SH3GL2: variants seen among roughly 807,000 people sequenced by gnomAD.
SH3GL2 encodes the protein SH3 domain containing GRB2 like 2, endophilin A1.
Under a neutral mutation model 46.0 loss-of-function variants are expected in SH3GL2, and 24 were observed. The ratio of observed to expected loss-of-function variants is 0.52; its 90% CI spans 0.38 to 0.73. SH3GL2 has a LOEUF of 0.73. Ranked by LOEUF, SH3GL2 falls within the 30% of genes least tolerant of loss-of-function variation. The probability of loss-of-function intolerance (pLI) is 0.00; values close to 1 mark genes in which losing one functional copy is unlikely to be tolerated. For missense variants in SH3GL2, 413 were observed against 424.2 expected (o/e 0.97, Z 0.23); for synonymous variants, 196 against 147.1 (o/e 1.33, Z -2.40).
intron 1 of SH3GL2, among the ~76,000 whole-genome samples, chr9:17,680,041 T>C (rs944617506): frequency 1.3e-5 from 2 of 152,332 alleles, no homozygotes; most frequent in African/African-American, 2.4e-5. Flanking sequence ...CAGTATTTTA[T>C]TGAGGATTTT....
intron 1 of SH3GL2, among the ~76,000 whole-genome samples, chr9:17,706,728 A>G (rs1269644918): frequency 6.6e-6 from 1 of 151,942 alleles, no homozygotes; most frequent in Non-Finnish European, 1.5e-5. Flanking sequence ...CTTATAGGTG[A>G]GTCCCTTAGA....
chr9:17,644,725 G>A (rs9406685), intron 1 of SH3GL2, among the ~76,000 whole-genome samples: 72,977 of 151,852 alleles, frequency 0.48, 18,689 homozygotes, highest in Non-Finnish European at 0.59. Flanking sequence ...CATTTGCTGA[G>A]GAGTGCTTTA....
chr9:17,744,170 A>G (rs1822614621), intron 1 of SH3GL2, among the ~76,000 whole-genome samples: 1 of 152,022 alleles, frequency 6.6e-6, no homozygotes, highest in Non-Finnish European at 1.5e-5. Flanking sequence ...TAAACCATGT[A>G]CTTGAAAAAT....
intron 7 of SH3GL2, among the ~76,000 whole-genome samples, chr9:17,791,780 C>T (rs34701669): frequency 0.16 from 24,295 of 152,220 alleles, 2,502 homozygotes; most frequent in Middle Eastern, 0.28. Flanking sequence ...AAGTGGAGTT[C>T]ACAGCCAGCC....
At chr9:17,603,893 GAATA>G (rs1458347409) in intron 1 of SH3GL2, among the ~76,000 whole-genome samples, 1 of 152,028 alleles carries the variant, frequency 6.6e-6, no homozygotes, top group Non-Finnish European at 1.5e-5. Context: ...AAGCAACCAT[GAATA>G]AACTTATGCC....
intron 1 of SH3GL2, among the ~76,000 whole-genome samples, chr9:17,597,850 T>G (rs2134557867): frequency 6.6e-6 from 1 of 152,276 alleles, no homozygotes; most frequent in Non-Finnish European, 1.5e-5. Flanking sequence ...GAGGGCCAGT[T>G]TTTCCCCTCT....
At chr9:17,665,311 T>C (rs1820316866) in intron 1 of SH3GL2, among the ~76,000 whole-genome samples, 1 of 152,176 alleles carries the variant, frequency 6.6e-6, no homozygotes, top group Non-Finnish European at 1.5e-5. Context: ...ATTTCTCTCC[T>C]CCACTGGGTC....
At chr9:17,777,832 C>T (rs961424146) in intron 3 of SH3GL2, among the ~76,000 whole-genome samples, 1 of 152,052 alleles carries the variant, frequency 6.6e-6, no homozygotes, top group Non-Finnish European at 1.5e-5. Context: ...ATTGGGGTTT[C>T]AGCATATGAA....
In SH3GL2 at chr9:17,584,840, C is replaced by T. The variant is rs1387421168; in HGVS notation, c.45+5553C>T. Among the ~76,000 whole-genome samples the T allele has an allele frequency of 3.3e-5, 5 of 152,198 alleles. No individual in the cohort carries two copies. The East Asian group carries it at 9.7e-4, about 29-fold the overall frequency. ...ATGATTTCTCTGTAGACTGAGAGTC[C>T]TCGTGATTGAAGTTTGTGTTGTTGA... On this transcript the variant is annotated intron_variant, in intron 1 of 8. Transcript: ENST00000380607.
At chr9:17,702,402 C>T (rs1218402191) in intron 1 of SH3GL2, among the ~76,000 whole-genome samples, 1 of 151,680 alleles carries the variant, frequency 6.6e-6, no homozygotes, top group African/African-American at 2.4e-5. Context: ...AGGAAAGAAT[C>T]AGGATATATG....
At chr9:17,712,490 T>C in intron 1 of SH3GL2, among the ~76,000 whole-genome samples, 1 of 151,894 alleles carries the variant, frequency 6.6e-6, no homozygotes, top group East Asian at 1.9e-4. Flanking sequence ...TGTATATTAC[T>C]GAAGGTGTGG....
At chr9:17,606,331 T>TC (rs1563778655) in intron 1 of SH3GL2, among the ~76,000 whole-genome samples, 1 of 152,092 alleles carries the variant, frequency 6.6e-6, no homozygotes, top group African/African-American at 2.4e-5. Flanking sequence ...GACCTCATGA[T>TC]CCGCCCGCCT....
chr9:17,697,455 C>T (rs1821233569), intron 1 of SH3GL2, among the ~76,000 whole-genome samples: 1 of 152,084 alleles, frequency 6.6e-6, no homozygotes, highest in Admixed American at 6.6e-5. Flanking sequence ...AACTCCTGAC[C>T]TCGTGATCCG....
intron 1 of SH3GL2, among the ~76,000 whole-genome samples, chr9:17,665,361 T>C (rs1417361985): frequency 6.6e-6 from 1 of 152,176 alleles, no homozygotes; most frequent in Non-Finnish European, 1.5e-5. Context: ...TTATTATGTC[T>C]TAAGTTTCTT....
At chr9:17,669,001 G>A (rs1820407866) in intron 1 of SH3GL2, among the ~76,000 whole-genome samples, 1 of 152,136 alleles carries the variant, frequency 6.6e-6, no homozygotes, top group Non-Finnish European at 1.5e-5. Flanking sequence ...GATTTCAGGT[G>A]CCACCTGTAG....
chr9:17,706,095 G>C (rs1306107160), intron 1 of SH3GL2, among the ~76,000 whole-genome samples: 1 of 152,036 alleles, frequency 6.6e-6, no homozygotes, highest in Non-Finnish European at 1.5e-5. Context: ...TATATCTAAT[G>C]TAAGAGATCA....
chr9:17,790,410 CTG>C lies in SH3GL2; in HGVS notation c.625-818_625-817del, dbSNP rs774181507. On this transcript the variant is annotated intron_variant, in intron 6 of 8. Transcript: ENST00000380607. Reference sequence around the variant, plus strand: ...CATTGCCTACTTGCCTTACTCCTGACTGTGGCAGGGGAAGTGTGTTGAACATA... The same window carrying C: ...CATTGCCTACTTGCCTTACTCCTGACTGGCAGGGGAAGTGTGTTGAACATA... 3.0e-6 allele frequency: 3 copies of C among 984,096 alleles called. No individual in the cohort carries two copies. The African/African-American group carries it at 5.2e-5, about 17-fold the overall frequency. The allele number at this position is 984,096 out of a possible 1,614,324, so 61.0% of individuals were successfully genotyped here. A position where few individuals can be genotyped will look rare whatever the true frequency, so the allele number is the denominator to read the frequency against.
intron 1 of SH3GL2, among the ~76,000 whole-genome samples, chr9:17,588,445 T>C (rs975283039): frequency 6.6e-6 from 1 of 152,174 alleles, no homozygotes; most frequent in Non-Finnish European, 1.5e-5. Flanking sequence ...AAAAGCAGGA[T>C]ATTTTCTCTG....
chr9:17,762,005 A>G (rs774514394), intron 3 of SH3GL2, among the ~76,000 whole-genome samples: 2 of 152,190 alleles, frequency 1.3e-5, no homozygotes, highest in Non-Finnish European at 2.9e-5. Flanking sequence ...ACAGATCAGC[A>G]TTGGTTCCTG....
Sources: gnomAD v4.1 joint callset for allele counts (sites outside exome capture counted in the v4.1 genomes callset) on GRCh38, gnomAD v4.1.1 for gene constraint, MANE v1.5 for transcripts, NCBI Gene and HGNC (gene_info 2026-07-23, HGNC 2026-07-21) for gene names.